PTPRO: variants seen among roughly 807,000 people sequenced by gnomAD.
The protein encoded by PTPRO is protein tyrosine phosphatase receptor type O.
PTPRO carries 62 observed loss-of-function variants against 145.2 expected under a neutral mutation model. The ratio of observed to expected loss-of-function variants is 0.43; its 90% CI spans 0.35 to 0.53. PTPRO has a LOEUF of 0.53. Among genes scored for constraint, PTPRO ranks in the 20% least tolerant of loss-of-function variants. The pLI, the probability that PTPRO is intolerant of heterozygous loss-of-function variation, is 0.01. For synonymous variants in PTPRO, 565 were observed against 514.7 expected, an observed-to-expected ratio of 1.10 and a Z score of -1.32; for missense variants, 1,345 against 1,482.7, an observed-to-expected ratio of 0.91 and a Z score of 1.53.
intron 1 of PTPRO, among the ~76,000 whole-genome samples, chr12:15,483,590 T>C (rs1393703274): frequency 6.6e-6 from 1 of 152,152 alleles, no homozygotes; most frequent in African/African-American, 2.4e-5. Context: ...CTTTAAACCA[T>C]GTAACTTTGC....
chr12:15,475,725 C>T (rs1941638646), intron 1 of PTPRO, among the ~76,000 whole-genome samples: 2 of 152,082 alleles, frequency 1.3e-5, no homozygotes, highest in African/African-American at 4.8e-5. Flanking sequence ...TCCCCATTCA[C>T]TAAGCATTTA....
At chr12:15,460,606 C>A (rs1410431915) in intron 1 of PTPRO, among the ~76,000 whole-genome samples, 2 of 152,122 alleles carry the variant, frequency 1.3e-5, no homozygotes, top group Non-Finnish European at 2.9e-5. Flanking sequence ...AGCTCTACAG[C>A]ATGCCCACAG....
chr12:15,461,801 C>T (rs1022892277), intron 1 of PTPRO, among the ~76,000 whole-genome samples: 1 of 151,870 alleles, frequency 6.6e-6, no homozygotes, highest in Non-Finnish European at 1.5e-5. Context: ...CTCCTGACCT[C>T]GTGATCCGCC....
chr12:15,568,097 G>T (rs1315036667), intron 18 of PTPRO, among the ~76,000 whole-genome samples: 2 of 152,106 alleles, frequency 1.3e-5, no homozygotes, highest in Non-Finnish European at 2.9e-5. Context: ...AACTTTAAAT[G>T]AGCATTATTA....
rs1341786206 is a variant in PTPRO, at chr12:15,545,365, CA to C, written c.2165-1203del. On this transcript the variant is annotated intron_variant, in intron 12 of 26. Coordinates refer to ENST00000281171, the MANE Select transcript of PTPRO (RefSeq NM_030667.3). ...TACAATATGTCCAAATAAGCAATGT[CA>C]GGGGGTCTGAGAGCAGGTAACAGGG... 3.3e-5 allele frequency among the ~76,000 whole-genome samples: 5 copies of C among 151,570 alleles called. No individual in the cohort carries two copies. In the East Asian group the frequency reaches 7.9e-4, roughly 24 times the overall value.
chr12:15,588,048 G>A (rs978244497), intron 24 of PTPRO, among the ~76,000 whole-genome samples: 3 of 152,196 alleles, frequency 2.0e-5, no homozygotes, highest in African/African-American at 7.2e-5. Flanking sequence ...ATCCACTGTA[G>A]GCATTCACAG....
chr12:15,541,444 C>T (rs1384313781), intron 12 of PTPRO, among the ~76,000 whole-genome samples: 1 of 152,160 alleles, frequency 6.6e-6, no homozygotes, highest in Non-Finnish European at 1.5e-5. Flanking sequence ...TTTGCTAGGG[C>T]TGTCATAGCA....
At position 15,589,568 on chromosome 12, in the gene PTPRO, G is replaced by A. The variant is rs2135670922; in HGVS notation, c.3524G>A (p.Arg1175Gln). ...CTGGTGTCAGAAATGAGGTCATACC[G>A]GATGTCTATGGTACAGACAGAGGTA... ...LGLVSEMRSY[R>Q]MSMVQTEEQY... The change falls in exon 25 of 27, where the codon CGG (arginine) becomes CAG (glutamine). Residue 1175 changes from arginine (R) to glutamine (Q), a missense_variant. Coordinates refer to ENST00000281171, the MANE Select transcript of PTPRO (RefSeq NM_030667.3). 1.2e-6 allele frequency: 2 copies of A among 1,614,034 alleles called. No homozygotes were observed. The highest frequency in any genetic ancestry group is 1.7e-6 in the Non-Finnish European group (2 of 1,179,962).
intron 1 of PTPRO, among the ~76,000 whole-genome samples, chr12:15,415,174 A>G (rs1698318665): frequency 6.6e-6 from 1 of 152,160 alleles, no homozygotes; most frequent in African/African-American, 2.4e-5. Context: ...AAGATTTTGG[A>G]AAATCCATAA....
intron 1 of PTPRO, among the ~76,000 whole-genome samples, chr12:15,339,820 C>T (rs1866909554): frequency 6.6e-6 from 1 of 152,106 alleles, no homozygotes; most frequent in African/African-American, 2.4e-5. Context: ...TGTAGAATTT[C>T]TTCTACATGT....
Position 15,329,608 on chromosome 12 carries a change from T to G in PTPRO, c.75+6807T>G, listed in dbSNP as rs1252113978. 2.0e-5 allele frequency among the ~76,000 whole-genome samples: 3 copies of G among 152,186 alleles called. No homozygotes were observed. In the East Asian group the frequency reaches 5.8e-4, roughly 29 times the overall value. ...CAATACTGTCTTTTGTATTCCAGAA[T>G]AAAGACTCACTGCCCAATTCCATTT... On this transcript the variant is annotated intron_variant, in intron 1 of 26. Transcript: ENST00000281171.
At chr12:15,384,886 A>G (rs1433249278) in intron 1 of PTPRO, among the ~76,000 whole-genome samples, 9 of 152,222 alleles carry the variant, frequency 5.9e-5, no homozygotes, top group Non-Finnish European at 8.8e-5. Context: ...AAGACCTATG[A>G]CAAGTAGAAA....
At chr12:15,380,875 A>G (rs1938840349) in intron 1 of PTPRO, among the ~76,000 whole-genome samples, 2 of 152,200 alleles carry the variant, frequency 1.3e-5, no homozygotes, top group Non-Finnish European at 2.9e-5. Flanking sequence ...TAGAAAGAAC[A>G]TTCAATAATA....
Position 15,322,833 on chromosome 12 carries a change from C to T in PTPRO, c.75+32C>T, listed in dbSNP as rs766679098. On this transcript the variant is annotated intron_variant, in intron 1 of 26. Coordinates refer to ENST00000281171, the MANE Select transcript of PTPRO (RefSeq NM_030667.3). The surrounding 1 kb of genome is among the most constrained non-coding windows in gnomAD (Gnocchi z 6.3). ...GAGCTCCTCCACCCCTTTTTCCCAGCGGTCCGGGCGGCAGCCGCGCTCCGG... is the reference window on the plus strand; with the variant it reads ...GAGCTCCTCCACCCCTTTTTCCCAGTGGTCCGGGCGGCAGCCGCGCTCCGG... The T allele has an allele frequency of 6.3e-7, 1 of 1,597,334 alleles. No individual in the cohort carries two copies. The highest frequency in any genetic ancestry group is 1.7e-5 in the Admixed American group (1 of 58,774).
chr12:15,398,481 C>CAAA (rs565625161), intron 1 of PTPRO, among the ~76,000 whole-genome samples: 1 of 114,594 alleles, frequency 8.7e-6, no homozygotes. Flanking sequence ...ATACTTTTTC[C>CAAA]AAAAAAAAAA....
intron 16 of PTPRO, 120 bp downstream of exon 16, chr12:15,557,643 T>C: frequency 1.2e-6 from 1 of 859,976 alleles, no homozygotes; most frequent in Non-Finnish European, 1.9e-6. Context: ...ATTTCGGTGA[T>C]GGTAGACTTT....
intron 1 of PTPRO, among the ~76,000 whole-genome samples, chr12:15,468,860 A>G (rs892721237): frequency 3.9e-5 from 6 of 152,186 alleles, no homozygotes; most frequent in East Asian, 3.8e-4. Flanking sequence ...TTCTGCCTAT[A>G]TAGGGATCAG....
chr12:15,333,474 T>C (rs549643534), intron 1 of PTPRO, among the ~76,000 whole-genome samples: 6 of 152,314 alleles, frequency 3.9e-5, no homozygotes, highest in African/African-American at 1.4e-4. Context: ...TAATGTCCAG[T>C]GAACATTTGT....
rs770458073 is a variant in PTPRO at position 15,497,247 on chromosome 12, C to T, written c.352C>T (p.Pro118Ser). 2.6e-6 allele frequency: 4 copies of T among 1,564,904 alleles called. No homozygotes were observed. The highest frequency in any genetic ancestry group is 1.1e-5 in the South Asian group (1 of 89,988). The change falls in exon 3 of 27, where the codon CCT becomes TCT. Residue 118 changes from proline (P) to serine (S), a missense_variant and splice_region_variant. Transcript: ENST00000281171. ...PSRSITVLTK[P>S]LPVTSVSIYD... ...CTCCATTTACTTCACTTCTGTAGAA[C>T]CTCTACCTGTAACCAGTGTTTCCAT...
Sources: gnomAD v4.1 joint callset for allele counts (sites outside exome capture counted in the v4.1 genomes callset) on GRCh38, gnomAD v4.1.1 for gene constraint, Gnocchi (gnomAD v3.1) non-coding constraint, MANE v1.5 for transcripts, NCBI Gene and HGNC (gene_info 2026-07-23, HGNC 2026-07-21) for gene names.